SGCZ: variants seen among roughly 807,000 people sequenced by gnomAD.
The protein encoded by SGCZ is zeta-sarcoglycan.
A neutral mutation model predicts 41.3 loss-of-function variants in SGCZ; 40 were observed. The observed-to-expected ratio is 0.97, with a 90% CI of 0.75 to 1.26. The LOEUF is 1.26. Ranked by LOEUF, SGCZ falls within the 50% of genes most tolerant of loss-of-function variation. The pLI is 0.00. For synonymous variants in SGCZ, 206 were observed against 137.5 expected, an observed-to-expected ratio of 1.50 and a Z score of -3.49; for missense variants, 552 against 369.8, an observed-to-expected ratio of 1.49 and a Z score of -4.04.
intron 1 of SGCZ, among the ~76,000 whole-genome samples, chr8:14,995,886 T>C (rs1802198363): frequency 6.6e-6 from 1 of 152,158 alleles, no homozygotes. Context: ...TTCTTACCTC[T>C]TAAGAGGTCA....
chr8:14,663,167 T>C (rs1585163958), intron 1 of SGCZ, among the ~76,000 whole-genome samples: 1 of 152,142 alleles, frequency 6.6e-6, no homozygotes. Flanking sequence ...ATAGAAAAAC[T>C]AATGGAATTT....
intron 1 of SGCZ, among the ~76,000 whole-genome samples, chr8:15,222,499 T>C (rs867611897): frequency 2.4e-4 from 37 of 152,304 alleles, no homozygotes; most frequent in Middle Eastern, 6.8e-3. Flanking sequence ...ATAAATCAAT[T>C]AGTGCTTACA....
intron 1 of SGCZ, among the ~76,000 whole-genome samples, chr8:15,211,389 A>G (rs776567949): frequency 3.9e-5 from 6 of 151,952 alleles, no homozygotes; most frequent in Admixed American, 1.3e-4. Flanking sequence ...TTTGAAGTCT[A>G]TTCTTTTTCT....
At chr8:14,423,202 A>G (rs1199900620) in intron 2 of SGCZ, among the ~76,000 whole-genome samples, 1 of 151,776 alleles carries the variant, frequency 6.6e-6, no homozygotes, top group East Asian at 1.9e-4. Context: ...TAGGAGATAT[A>G]CCTAATGCTA....
Position 14,599,184 on chromosome 8 carries a change from A to G in SGCZ, c.40-44258T>C, listed in dbSNP as rs367584889. ...ACCTCTGTCTCTTATCTCTTAAACT[A>G]CTACTCAGAAAATTTTCTAAGGTTC... On this transcript the variant is annotated intron_variant, in intron 1 of 7. Coordinates refer to ENST00000382080, the MANE Select transcript of SGCZ (RefSeq NM_139167.4). Among the ~76,000 whole-genome samples, 18 of 152,270 alleles carry G rather than the reference A, an allele frequency of 1.2e-4. No homozygotes were observed. The South Asian group carries it at 3.5e-3, about 30-fold the overall frequency.
chr8:14,604,389 T>C (rs112192277), intron 1 of SGCZ, among the ~76,000 whole-genome samples: 442 of 152,156 alleles, frequency 2.9e-3, no homozygotes, highest in African/African-American at 0.01. Context: ...CATGGGCATA[T>C]AGGAGAATGG....
chr8:14,587,295 T>TA (rs1280645474), intron 1 of SGCZ, among the ~76,000 whole-genome samples: 3 of 150,524 alleles, frequency 2.0e-5, no homozygotes, highest in Non-Finnish European at 3.0e-5. Context: ...AATGTTTAAT[T>TA]AAAAAAACAA....
intron 4 of SGCZ, among the ~76,000 whole-genome samples, chr8:14,176,058 G>C (rs919715924): frequency 6.6e-6 from 1 of 152,004 alleles, no homozygotes; most frequent in African/African-American, 2.4e-5. Flanking sequence ...AGCAACATTG[G>C]ACCAAAGAAC....
chr8:14,489,953 C>T (rs533249824), intron 2 of SGCZ, among the ~76,000 whole-genome samples: 1 of 150,256 alleles, frequency 6.7e-6, no homozygotes, highest in South Asian at 2.1e-4. Context: ...CTGCAACCTC[C>T]GCCTCCCAGG....
In SGCZ at chr8:15,001,750, A is replaced by G. The variant is rs1042054982; in HGVS notation, c.39+235835T>C. On this transcript the variant is annotated intron_variant, in intron 1 of 7. Transcript: ENST00000382080. ...TCTCAAAAAAAAAAAAAAAAAAAAA[A>G]AGAGAAAAAAGGAGTTGAGTGTAAT... is the stretch of plus-strand genomic sequence containing the variant. 1.3e-4 allele frequency among the ~76,000 whole-genome samples: 20 copies of G among 150,322 alleles called. No homozygotes were observed. The South Asian group carries it at 1.7e-3, about 13-fold the overall frequency.
intron 4 of SGCZ, among the ~76,000 whole-genome samples, chr8:14,181,335 A>T (rs530284320): frequency 2.0e-5 from 3 of 152,316 alleles, no homozygotes; most frequent in African/African-American, 7.2e-5. Flanking sequence ...ATCAAATGGT[A>T]ATGGTGTGCC....
At chr8:14,279,408 T>C (rs937377558) in intron 3 of SGCZ, among the ~76,000 whole-genome samples, 1 of 152,018 alleles carries the variant, frequency 6.6e-6, no homozygotes, top group African/African-American at 2.4e-5. Context: ...ATGGGACATT[T>C]TGAACTCTTT....
chr8:14,572,213 G>C (rs566526328), intron 1 of SGCZ, among the ~76,000 whole-genome samples: 7 of 152,132 alleles, frequency 4.6e-5, no homozygotes, highest in Admixed American at 1.3e-4. Context: ...TTAATGCCAA[G>C]CTTATCTTTT....
intron 1 of SGCZ, among the ~76,000 whole-genome samples, chr8:15,033,071 G>T (rs1156526752): frequency 6.6e-6 from 1 of 152,006 alleles, no homozygotes; most frequent in African/African-American, 2.4e-5. Context: ...TACCTACTAG[G>T]CCTATTCCTA....
intron 2 of SGCZ, among the ~76,000 whole-genome samples, chr8:14,475,921 A>T (rs995591030): frequency 4.0e-5 from 6 of 151,670 alleles, no homozygotes; most frequent in Non-Finnish European, 8.8e-5. Flanking sequence ...CTGTCACCTC[A>T]AACTCCTGGA....
intron 1 of SGCZ, among the ~76,000 whole-genome samples, chr8:14,925,704 A>G (rs1799726222): frequency 6.6e-6 from 1 of 152,222 alleles, no homozygotes; most frequent in Non-Finnish European, 1.5e-5. Context: ...CTCAGACACG[A>G]CAATACTTTC....
chr8:14,900,146 T>A (rs1303799704), intron 1 of SGCZ, among the ~76,000 whole-genome samples: 1 of 152,084 alleles, frequency 6.6e-6, no homozygotes, highest in Non-Finnish European at 1.5e-5. Context: ...ATAAATCACA[T>A]CCACTTGACT....
At chr8:14,394,882 G>T (rs971407249) in intron 2 of SGCZ, among the ~76,000 whole-genome samples, 1 of 152,120 alleles carries the variant, frequency 6.6e-6, no homozygotes, top group East Asian at 1.9e-4. Context: ...TCAGTGCATG[G>T]GTGATATTGT....
At chr8:14,177,233 G>A (rs906510019) in intron 4 of SGCZ, among the ~76,000 whole-genome samples, 4 of 152,150 alleles carry the variant, frequency 2.6e-5, no homozygotes, top group Admixed American at 2.0e-4. Flanking sequence ...AAAAAGCTAC[G>A]ATATTAACCA....
Sources: allele counts gnomAD v4.1 joint callset (sites outside exome capture counted in the v4.1 genomes callset), GRCh38; gene constraint gnomAD v4.1.1; transcripts MANE v1.5; gene names NCBI Gene and HGNC (gene_info 2026-07-23, HGNC 2026-07-21).